The following ZFP1 variants were observed in gnomAD, a reference collection of about 807,000 sequenced individuals.
ZFP1 encodes ZFP1 zinc finger protein.
In ZFP1, 32 loss-of-function variants were observed where a neutral mutation model predicts 38.5. That is an observed-to-expected ratio of 0.83 (90% CI 0.63 to 1.12). ZFP1 has a LOEUF of 1.12. Ranked by LOEUF, ZFP1 falls within the 50% of genes most tolerant of loss-of-function variation. ZFP1 has a pLI of 0.00. For missense variants in ZFP1, 616 were observed against 480.8 expected (o/e 1.28, Z -2.63); for synonymous variants, 245 against 168.8 (o/e 1.45, Z -3.50).
intron 2 of ZFP1, among the ~76,000 whole-genome samples, chr16:75,164,890 C>A (rs376260447): frequency 6.6e-6 from 1 of 151,926 alleles, no homozygotes; most frequent in African/African-American, 2.4e-5. Flanking sequence ...ACCGCAACGT[C>A]CACTTCCTGG....
intron 2 of ZFP1, chr16:75,157,212 G>GT (rs1173704014): frequency 2.0e-5 from 3 of 147,062 alleles, no homozygotes; most frequent in African/African-American, 7.5e-5. Flanking sequence ...TTTGTGAGAG[G>GT]TATGTTTTTT....
chr16:75,153,064 A>G (rs1184310865), intron 2 of ZFP1, 98 bp downstream of exon 2: 16 of 1,478,542 alleles, frequency 1.1e-5, no homozygotes, highest in Non-Finnish European at 1.5e-5. Context: ...ATAAGACACA[A>G]AGGAAACATA....
At chr16:75,163,057 C>T (rs1423514417) in intron 2 of ZFP1, among the ~76,000 whole-genome samples, 3 of 151,832 alleles carry the variant, frequency 2.0e-5, no homozygotes, top group Non-Finnish European at 4.4e-5. Flanking sequence ...TTACATGCGC[C>T]CACCACCACG....
At chr16:75,131,377 C>T in the ZFP1 span, among the ~76,000 whole-genome samples, 2 of 152,138 alleles carry the variant, frequency 1.3e-5, no homozygotes, top group African/African-American at 4.8e-5. Context: ...TATTCACCCT[C>T]CCCGGGGCAG....
Position 75,169,677 on chromosome 16 carries a change from T to C in ZFP1, c.567T>C (p.Cys189=). ...NLVQPFICTY[C]DKAFSFKSLL... ...TTCAACCTTTCATTTGTACTTACTG[T>C]GACAAGGCTTTCTCCTTTAAGTCAC... Residue 189 remains cysteine (C), a synonymous_variant, in exon 4 of 4, where the codon TGT becomes TGC. Coordinates refer to ENST00000570010, the MANE Select transcript of ZFP1 (RefSeq NM_153688.4). 6.2e-7 allele frequency: 1 copy of C among 1,609,882 alleles called. No individual in the cohort carries two copies. Among genetic ancestry groups the C allele is most frequent in the Non-Finnish European group, 8.5e-7 (1 of 1,178,644 alleles).
At chr16:75,132,610 A>C in the ZFP1 span, 1 of 151,710 alleles carries the variant, frequency 6.6e-6, no homozygotes, top group African/African-American at 2.4e-5. Flanking sequence ...GGAGCATTCA[A>C]AATGTGGCTA....
chr16:75,132,872 C>G, the ZFP1 span, among the ~76,000 whole-genome samples: 7 of 151,486 alleles, frequency 4.6e-5, no homozygotes, highest in African/African-American at 1.7e-4. Flanking sequence ...GTTGGCCAGG[C>G]TGGTCTCAAA....
In ZFP1 at chr16:75,169,352, A is replaced by T; in HGVS notation, c.242A>T (p.Glu81Val). The T allele has an allele frequency of 1.2e-6, 2 of 1,614,202 alleles. No individual in the cohort carries two copies. The highest frequency in any genetic ancestry group is 1.7e-6 in the Non-Finnish European group (2 of 1,180,022). The stretch of plus-strand genomic sequence containing the variant: ...CTTAAGAACCAAACCCCAATTGAGG[A>T]AAGAGGCGATCTCTTTGGAAAAGCA... ...LILKNQTPIE[E>V]RGDLFGKALN... The change falls in exon 4 of 4, where the codon GAA becomes GTA. Residue 81 changes from glutamate (E) to valine (V), a missense_variant. By Grantham distance (121) the Glu-to-Val change is moderately radical. Coordinates refer to ENST00000570010, the MANE Select transcript of ZFP1 (RefSeq NM_153688.4).
chr16:75,155,040 C>G (rs948088634), intron 2 of ZFP1, among the ~76,000 whole-genome samples: 41 of 152,112 alleles, frequency 2.7e-4, no homozygotes, highest in Admixed American at 2.4e-3. Context: ...CTCAAGTGAT[C>G]CACCCACCTT....
intron 1 of ZFP1, among the ~76,000 whole-genome samples, chr16:75,151,274 A>G (rs527584047): frequency 6.6e-5 from 10 of 152,038 alleles, no homozygotes; most frequent in Non-Finnish European, 1.2e-4. Context: ...GCTTATAGAC[A>G]GCACATGGTT....
chr16:75,158,952 A>G (rs1470065252), intron 2 of ZFP1, among the ~76,000 whole-genome samples: 1 of 145,120 alleles, frequency 6.9e-6, no homozygotes, highest in Non-Finnish European at 1.5e-5. Flanking sequence ...ACTAGAGTGC[A>G]GTGGCTTGAT....
At chr16:75,149,704 G>A (rs1453919163) in intron 1 of ZFP1, among the ~76,000 whole-genome samples, 3 of 151,668 alleles carry the variant, frequency 2.0e-5, no homozygotes, top group Admixed American at 6.6e-5. Context: ...GATTACAGGC[G>A]TGAGCCACCG....
intron 2 of ZFP1, among the ~76,000 whole-genome samples, chr16:75,163,345 C>T (rs560917549): frequency 1.3e-5 from 2 of 151,872 alleles, no homozygotes; most frequent in Admixed American, 1.3e-4. Context: ...TGCTCTGTTG[C>T]CCAGGCTAGA....
In ZFP1 at chr16:75,169,327, C is replaced by T. The variant is rs267604638; in HGVS notation, c.217C>T (p.Leu73Phe). The T allele has an allele frequency of 6.2e-7, 1 of 1,614,100 alleles. No individual in the cohort carries two copies. The change falls in exon 4 of 4, where the codon CTT becomes TTT. Residue 73 changes from leucine (L) to phenylalanine (F), a missense_variant. Physicochemically the swap from Leu to Phe is conservative, Grantham distance 22. Transcript: ENST00000570010. Reference protein sequence around the residue: ...PDEQARQFLILKNQTPIEERG... With the variant: ...PDEQARQFLIFKNQTPIEERG... ...CGAGCAGGCGAGGCAATTTTTAATTCTTAAGAACCAAACCCCAATTGAGGA... is the reference window on the plus strand; with the variant it reads ...CGAGCAGGCGAGGCAATTTTTAATTTTTAAGAACCAAACCCCAATTGAGGA...
chr16:75,149,430 C>T (rs2037066328), intron 1 of ZFP1, among the ~76,000 whole-genome samples: 1 of 152,166 alleles, frequency 6.6e-6, no homozygotes, highest in African/African-American at 2.4e-5. Context: ...AAAGTTTTCC[C>T]ATGATTCTGG....
intron 2 of ZFP1, among the ~76,000 whole-genome samples, chr16:75,159,275 C>T (rs1201864860): frequency 7.3e-6 from 1 of 136,426 alleles, no homozygotes; most frequent in African/African-American, 2.7e-5. Flanking sequence ...TTCCTTCCCT[C>T]ACTTCCCTTC....
chr16:75,127,948 A>G, the ZFP1 span: 1 of 152,240 alleles, frequency 6.6e-6, no homozygotes, highest in Non-Finnish European at 1.5e-5. Flanking sequence ...TTTGGAAACT[A>G]TTTGTGAGTA....
chr16:75,134,705 C>G, the ZFP1 span, among the ~76,000 whole-genome samples: 1 of 146,868 alleles, frequency 6.8e-6, no homozygotes, highest in African/African-American at 2.5e-5. Flanking sequence ...GAGCCAAGAT[C>G]GCACCACTGC....
chr16:75,122,083 C>T, the ZFP1 span, among the ~76,000 whole-genome samples: 1 of 152,178 alleles, frequency 6.6e-6, no homozygotes, highest in Non-Finnish European at 1.5e-5. Flanking sequence ...AGCACTCAAA[C>T]ATAAATTTAG....
Sources: allele counts gnomAD v4.1 joint callset (sites outside exome capture counted in the v4.1 genomes callset), GRCh38; gene constraint gnomAD v4.1.1; transcripts MANE v1.5; gene names NCBI Gene and HGNC (gene_info 2026-07-23, HGNC 2026-07-21).